Variants in MAMDC2 observed in about 807,000 individuals in gnomAD.
MAMDC2 encodes the protein MAM domain-containing protein 2.
MAMDC2 carries 57 observed loss-of-function variants against 89.8 expected under a neutral mutation model. The observed-to-expected ratio is 0.63, with a 90% CI of 0.51 to 0.79. The LOEUF (loss-of-function observed/expected upper bound fraction) is 0.79, where lower values mean the gene tolerates loss of function less well. Among genes scored for constraint, MAMDC2 ranks in the 30% least tolerant of loss-of-function variants. The pLI is 0.00. For missense variants in MAMDC2, 800 were observed against 820.6 expected (o/e 0.97, Z 0.31); for synonymous variants, 313 against 293.4 (o/e 1.07, Z -0.68).
At chr9:70,124,190 A>G (rs1309613950) in intron 5 of MAMDC2, among the ~76,000 whole-genome samples, 1 of 152,172 alleles carries the variant, frequency 6.6e-6, no homozygotes, top group Non-Finnish European at 1.5e-5. Context: ...TTATTGCCGC[A>G]TAAGAATATG....
At chr9:70,120,899 A>G (rs978740590) in intron 5 of MAMDC2, among the ~76,000 whole-genome samples, 1 of 152,152 alleles carries the variant, frequency 6.6e-6, no homozygotes, top group Non-Finnish European at 1.5e-5. Flanking sequence ...ATCATAACTC[A>G]TTATCTTTGG....
At chr9:70,099,452 ATCT>A (rs1214925528) in intron 2 of MAMDC2, among the ~76,000 whole-genome samples, 4 of 152,214 alleles carry the variant, frequency 2.6e-5, no homozygotes, top group Non-Finnish European at 5.9e-5. Flanking sequence ...CCACAGAGGC[ATCT>A]TCTCTCCACG....
chr9:70,050,109 C>CA (rs1249107924), intron 2 of MAMDC2, among the ~76,000 whole-genome samples: 5 of 152,104 alleles, frequency 3.3e-5, no homozygotes, highest in African/African-American at 1.2e-4. Context: ...ACTCAGATTC[C>CA]AAAGATGCAG....
chr9:70,175,654 T>C (rs1367185976), intron 11 of MAMDC2: 3 of 152,230 alleles, frequency 2.0e-5, no homozygotes, highest in Non-Finnish European at 2.9e-5. Context: ...TCTTAGAACA[T>C]ATCCCTCAAG....
intron 11 of MAMDC2, among the ~76,000 whole-genome samples, chr9:70,188,266 A>G (rs1168839495): frequency 1.3e-5 from 2 of 152,212 alleles, no homozygotes. Flanking sequence ...TCATTCTACC[A>G]GTCTCTACCA....
intron 2 of MAMDC2, among the ~76,000 whole-genome samples, chr9:70,074,717 T>C (rs1366562955): frequency 6.6e-6 from 1 of 152,230 alleles, no homozygotes; most frequent in Non-Finnish European, 1.5e-5. Context: ...GTCTGTGCGC[T>C]TGAGGGAGCA....
At chr9:70,100,208 A>C (rs930705531) in intron 2 of MAMDC2, among the ~76,000 whole-genome samples, 1 of 152,184 alleles carries the variant, frequency 6.6e-6, no homozygotes, top group African/African-American at 2.4e-5. Context: ...TTAATCTTAA[A>C]AGACTACAAA....
intron 11 of MAMDC2, among the ~76,000 whole-genome samples, chr9:70,197,271 A>G (rs915198783): frequency 6.6e-6 from 1 of 152,154 alleles, no homozygotes; most frequent in African/African-American, 2.4e-5. Context: ...CAGAAACTGC[A>G]AATGTCTGCT....
chr9:70,128,564 G>A (rs1297785753), intron 6 of MAMDC2, among the ~76,000 whole-genome samples: 2 of 152,178 alleles, frequency 1.3e-5, no homozygotes, highest in Admixed American at 6.5e-5. Context: ...TGAAGAAACC[G>A]AGGGCTGGAG....
chr9:70,188,642 G>T (rs1428490821), intron 11 of MAMDC2: 1 of 151,142 alleles, frequency 6.6e-6, no homozygotes, highest in African/African-American at 2.4e-5. Context: ...CCATCTCCCT[G>T]CTCCAAAAAC....
intron 4 of MAMDC2, 113 bp downstream of exon 4, chr9:70,109,917 C>T (rs1490315009): frequency 3.7e-6 from 3 of 800,354 alleles, no homozygotes; most frequent in African/African-American, 1.7e-5. Flanking sequence ...GAATGCACTG[C>T]ATAATGCATA....
chr9:70,168,793 CA>C lies in MAMDC2; in HGVS notation c.1497del (p.Glu500ArgfsTer51). On this transcript the variant is annotated frameshift_variant and splice_region_variant, in exon 10 of 14. Transcript: ENST00000377182. LOFTEE classifies it high-confidence loss of function. ...ITIQLGSCSSSEKLPPPPGEC... is the reference protein window; with the variant it reads ...ITIQLGSCSSXEKLPPPPGEC... ...ATACAATTGGGAAGCTGCTCATCTT[CA>C]GGTAAGACGGCAATCATTTTAGCTC... The C allele has an allele frequency of 6.2e-7, 1 of 1,612,196 alleles. No individual in the cohort carries two copies. Among genetic ancestry groups the C allele is most frequent in the Non-Finnish European group, 8.5e-7 (1 of 1,178,314 alleles).
chr9:70,147,851 G>A (rs1431976304), intron 9 of MAMDC2: 1 of 150,560 alleles, frequency 6.6e-6, no homozygotes, highest in Non-Finnish European at 1.5e-5. Context: ...TTTAGCATCT[G>A]TGATTATTGC....
chr9:70,198,942 A>G (rs2033035889), intron 11 of MAMDC2, among the ~76,000 whole-genome samples: 1 of 152,150 alleles, frequency 6.6e-6, no homozygotes, highest in Non-Finnish European at 1.5e-5. Context: ...CATAGTTGAT[A>G]TTCAGACATG....
At chr9:70,144,250 G>A (rs1418653505) in intron 9 of MAMDC2, among the ~76,000 whole-genome samples, 1 of 152,036 alleles carries the variant, frequency 6.6e-6, no homozygotes, top group Non-Finnish European at 1.5e-5. Context: ...TCTGCATTGA[G>A]GCTTTAAGGT....
chr9:70,054,041 G>A (rs981696122), intron 2 of MAMDC2, among the ~76,000 whole-genome samples: 1 of 152,136 alleles, frequency 6.6e-6, no homozygotes, highest in Non-Finnish European at 1.5e-5. Context: ...GGTTGATGGT[G>A]CCAACAGTTG....
chr9:70,209,148 A>G (rs1473940469), intron 11 of MAMDC2, among the ~76,000 whole-genome samples: 2 of 152,234 alleles, frequency 1.3e-5, no homozygotes, highest in East Asian at 1.9e-4. Context: ...GCCTCATAAA[A>G]TGAATTAGGG....
At chr9:70,073,738 G>C (rs140597511) in intron 2 of MAMDC2, among the ~76,000 whole-genome samples, 36 of 152,314 alleles carry the variant, frequency 2.4e-4, no homozygotes, top group African/African-American at 8.7e-4. Flanking sequence ...ACCAAGACGA[G>C]TGCTGGGAAG....
chr9:70,211,628 C>G (rs139000922), intron 11 of MAMDC2, among the ~76,000 whole-genome samples: 4,055 of 150,812 alleles, frequency 0.027, 202 homozygotes, highest in African/African-American at 0.092. Flanking sequence ...TCTCTCAACT[C>G]GTCAAAGTCA....
Sources: gnomAD v4.1 joint callset for allele counts (sites outside exome capture counted in the v4.1 genomes callset) on GRCh38, gnomAD v4.1.1 for gene constraint, MANE v1.5 for transcripts, NCBI Gene and HGNC (gene_info 2026-07-23, HGNC 2026-07-21) for gene names.